CFAP61: variants seen among roughly 807,000 people sequenced by gnomAD.
CFAP61 encodes cilia and flagella associated protein 61.
CFAP61 carries 107 observed loss-of-function variants against 135.6 expected under a neutral mutation model. The ratio of observed to expected loss-of-function variants is 0.79; its 90% CI spans 0.67 to 0.93. The LOEUF (loss-of-function observed/expected upper bound fraction) is 0.93, where lower values mean the gene tolerates loss of function less well. CFAP61 is among the 40% of genes least tolerant of loss of function. The probability of loss-of-function intolerance (pLI) is 0.00; values close to 1 mark genes in which losing one functional copy is unlikely to be tolerated. For synonymous variants in CFAP61, 575 were observed against 578.5 expected, an observed-to-expected ratio of 0.99 and a Z score of 0.09; for missense variants, 1,507 against 1,556.2, an observed-to-expected ratio of 0.97 and a Z score of 0.53.
At chr20:20,104,180 C>T (rs2048219727) in intron 8 of CFAP61, among the ~76,000 whole-genome samples, 1 of 152,086 alleles carries the variant, frequency 6.6e-6, no homozygotes, top group Non-Finnish European at 1.5e-5. Context: ...GCTCACTATA[C>T]ATATAAAAGA....
intron 26 of CFAP61, 123 bp from the exon 27 acceptor site, chr20:20,360,087 C>T (rs2059418932): frequency 1.4e-6 from 1 of 736,774 alleles, no homozygotes; most frequent in Admixed American, 2.3e-5. Context: ...TTTTCAAAAG[C>T]TAGAAAAAAA....
At chr20:20,090,304 C>T (rs2047090991) in intron 6 of CFAP61, among the ~76,000 whole-genome samples, 1 of 152,134 alleles carries the variant, frequency 6.6e-6, no homozygotes, top group African/African-American at 2.4e-5. Context: ...ACCACTTGAC[C>T]CTCTCACTCT....
intron 8 of CFAP61, among the ~76,000 whole-genome samples, chr20:20,111,390 T>C (rs987458589): frequency 6.6e-6 from 1 of 152,098 alleles, no homozygotes; most frequent in African/African-American, 2.4e-5. Context: ...CCCCCAAATA[T>C]CCTAAGATTC....
chr20:20,355,595 G>C (rs1347700567), intron 26 of CFAP61, among the ~76,000 whole-genome samples: 2 of 142,402 alleles, frequency 1.4e-5, no homozygotes, highest in East Asian at 4.4e-4. Flanking sequence ...CACTGTGAGG[G>C]GGAAGGTGGT....
At chr20:20,125,475 G>A (rs1341621726) in intron 8 of CFAP61, among the ~76,000 whole-genome samples, 1 of 151,640 alleles carries the variant, frequency 6.6e-6, no homozygotes, top group African/African-American at 2.4e-5. Context: ...CATTTTTGAT[G>A]CAATGCTCAT....
At chr20:20,290,833 C>T (rs2054951673) in intron 24 of CFAP61, among the ~76,000 whole-genome samples, 2 of 152,192 alleles carry the variant, frequency 1.3e-5, no homozygotes, top group South Asian at 4.1e-4. Flanking sequence ...CCTGCAGCCT[C>T]CTTCATGCCT....
chr20:20,276,347 A>ATTTC (rs71198048), intron 21 of CFAP61, among the ~76,000 whole-genome samples: 15,012 of 152,256 alleles, frequency 0.099, 805 homozygotes, highest in Non-Finnish European at 0.12. Context: ...ACAGCAGTTT[A>ATTTC]TTTGTGAAAA....
chr20:20,143,349 A>G (rs1218702737), intron 9 of CFAP61, among the ~76,000 whole-genome samples: 2 of 152,152 alleles, frequency 1.3e-5, no homozygotes, highest in African/African-American at 4.8e-5. Flanking sequence ...CCCTGCAGAC[A>G]TGGAAACACT....
chr20:20,341,055 A>T (rs369848844), intron 25 of CFAP61, among the ~76,000 whole-genome samples: 1 of 152,138 alleles, frequency 6.6e-6, no homozygotes, highest in Non-Finnish European at 1.5e-5. Flanking sequence ...CCCTGTGCGC[A>T]CACACAACAT....
chr20:20,066,454 A>G (rs1229108232), intron 2 of CFAP61, among the ~76,000 whole-genome samples: 1 of 152,220 alleles, frequency 6.6e-6, no homozygotes, highest in Non-Finnish European at 1.5e-5. Flanking sequence ...TAGACTGGAT[A>G]AAGAAAATGT....
chr20:20,318,911 T>A (rs2057289538), intron 25 of CFAP61, among the ~76,000 whole-genome samples: 1 of 152,188 alleles, frequency 6.6e-6, no homozygotes, highest in African/African-American at 2.4e-5. Context: ...GGCTCCTCCT[T>A]CCACTTCTGG....
chr20:20,055,065 T>C (rs1264248631), intron 1 of CFAP61, among the ~76,000 whole-genome samples: 1 of 152,202 alleles, frequency 6.6e-6, no homozygotes, highest in Non-Finnish European at 1.5e-5. Context: ...TCTTCCAGTT[T>C]ATTTTCTTTA....
intron 17 of CFAP61, among the ~76,000 whole-genome samples, chr20:20,212,744 C>G (rs904214731): frequency 1.6e-4 from 24 of 152,162 alleles, no homozygotes; most frequent in Admixed American, 1.6e-3. Context: ...CTGTTGAAAC[C>G]GCAAGCACAG....
At chr20:20,154,042 AGG>A (rs2052673195) in intron 9 of CFAP61, among the ~76,000 whole-genome samples, 1 of 152,122 alleles carries the variant, frequency 6.6e-6, no homozygotes, top group Non-Finnish European at 1.5e-5. Flanking sequence ...CCAGGGATGC[AGG>A]GTTTAACATA....
intron 17 of CFAP61, among the ~76,000 whole-genome samples, chr20:20,220,533 G>T (rs1401452312): frequency 1.3e-5 from 2 of 152,180 alleles, no homozygotes; most frequent in Non-Finnish European, 2.9e-5. Flanking sequence ...TGGGGGTACA[G>T]GGAGCAGCCT....
intron 8 of CFAP61, among the ~76,000 whole-genome samples, chr20:20,114,517 A>G (rs972970133): frequency 5.9e-5 from 9 of 152,120 alleles, no homozygotes; most frequent in Non-Finnish European, 1.3e-4. Flanking sequence ...TTATTCCTAG[A>G]TATTTGATAT....
chr20:20,360,177 T>C (rs1277731916), intron 26 of CFAP61, 33 bp from the exon 27 acceptor site: 1 of 1,543,586 alleles, frequency 6.5e-7, no homozygotes, highest in East Asian at 2.2e-5. Context: ...GTCCAATTAA[T>C]TTCTGTATCT....
At chr20:20,098,122 CCT>C (rs1031091991) in intron 7 of CFAP61, among the ~76,000 whole-genome samples, 7 of 152,112 alleles carry the variant, frequency 4.6e-5, no homozygotes, top group Admixed American at 1.3e-4. Context: ...TGGCAATTTC[CCT>C]GTTACTTATG....
intron 25 of CFAP61, among the ~76,000 whole-genome samples, chr20:20,334,203 T>G (rs181581097): frequency 6.6e-6 from 1 of 152,324 alleles, no homozygotes; most frequent in Admixed American, 6.5e-5. Flanking sequence ...CTCAGCTCAC[T>G]GCAACCTCTG....
Sources: allele counts gnomAD v4.1 joint callset (sites outside exome capture counted in the v4.1 genomes callset), GRCh38; gene constraint gnomAD v4.1.1; transcripts MANE v1.5; gene names NCBI Gene and HGNC (gene_info 2026-07-23, HGNC 2026-07-21).